The following PECAM1 variants were observed in gnomAD, a reference collection of about 807,000 sequenced individuals.
PECAM1 encodes the protein platelet endothelial cell adhesion molecule.
PECAM1 carries 8 observed loss-of-function variants against 13.8 expected under a neutral mutation model. The ratio of observed to expected loss-of-function variants is 0.58; its 90% CI spans 0.34 to 1.05. The LOEUF (loss-of-function observed/expected upper bound fraction) is 1.05, where lower values mean the gene tolerates loss of function less well. PECAM1 is among the 50% of genes least tolerant of loss of function. PECAM1 has a pLI of 0.03. For missense variants in PECAM1, 304 were observed against 141.2 expected (o/e 2.15, Z -5.84); for synonymous variants, 136 against 52.6 (o/e 2.58, Z -6.86).
rs1324782633 is a variant in PECAM1 at position 64,319,847 on chromosome 17, T to C, written c.*3969A>G. ...CGGCTGATCACCAGATCAGGGTGTT[T>C]TGTATCTATTGAGAGACTGTCCTTG... On this transcript the variant is annotated 3_prime_UTR_variant, in exon 16 of 16. Transcript: ENST00000563924. 1 of 152,154 alleles carries C rather than the reference T, an allele frequency of 6.6e-6. No homozygotes were observed. Among genetic ancestry groups the C allele is most frequent in the Admixed American group, 6.6e-5 (1 of 15,266 alleles). The allele number at this position is 152,154 out of a possible 1,614,324, so 9.4% of individuals were successfully genotyped here. A position where few individuals can be genotyped will look rare whatever the true frequency, so the allele number is the denominator to read the frequency against.
intron 9 of PECAM1, among the ~76,000 whole-genome samples, chr17:64,353,942 T>C (rs1261515402): frequency 0.17 from 3,634 of 20,858 alleles, 144 homozygotes; most frequent in Admixed American, 0.28. Flanking sequence ...CTCTCTCTCT[T>C]TTTTTTTTTT....
At position 64,361,321 on chromosome 17, in the gene PECAM1, T is replaced by G. The variant is rs1056790416; in HGVS notation, c.1217-906A>C. 3.9e-3 allele frequency among the ~76,000 whole-genome samples: 599 copies of G among 152,092 alleles called. 3 individuals are homozygous for G. The highest frequency in any genetic ancestry group is 7.0e-3 in the Non-Finnish European group (476 of 67,964). On this transcript the variant is annotated intron_variant, in intron 6 of 15. Transcript: ENST00000563924. Reference sequence around the variant, plus strand: ...CCACCACACCCGGCTAACTTTTGTATTTTTAGTAGAGAGGGGGTTTCACCA... The same window carrying G: ...CCACCACACCCGGCTAACTTTTGTAGTTTTAGTAGAGAGGGGGTTTCACCA...
chr17:64,354,883 T>C, intron 9 of PECAM1, 50 bp downstream of exon 9: 1 of 474,202 alleles, frequency 2.1e-6, no homozygotes, highest in Non-Finnish European at 3.9e-6. Context: ...CCCTGGCTGG[T>C]TTCCTGGCAA....
chr17:64,388,110 C>A (rs1014069699), intron 2 of PECAM1, among the ~76,000 whole-genome samples: 1 of 152,152 alleles, frequency 6.6e-6, no homozygotes, highest in Non-Finnish European at 1.5e-5. Context: ...GCAGTTCCAA[C>A]GTCTTCCCTG....
intron 14 of PECAM1, among the ~76,000 whole-genome samples, chr17:64,337,698 T>A (rs1342210306): frequency 6.6e-6 from 1 of 151,970 alleles, no homozygotes; most frequent in East Asian, 1.9e-4. Flanking sequence ...GGGGTCAGGT[T>A]CCAACAGCCC....
intron 13 of PECAM1, among the ~76,000 whole-genome samples, chr17:64,343,489 C>T (rs1034134453): frequency 3.9e-5 from 6 of 152,132 alleles, no homozygotes; most frequent in Non-Finnish European, 7.4e-5. Context: ...TGGCAGACCC[C>T]GACCTCCTAT....
intron 6 of PECAM1, among the ~76,000 whole-genome samples, chr17:64,361,389 A>G (rs1421367444): frequency 6.6e-6 from 1 of 151,790 alleles, no homozygotes; most frequent in South Asian, 2.1e-4. Context: ...CAGGTGATCC[A>G]CCCACCTTGG....
At chr17:64,336,235 C>A (rs1483503776) in intron 14 of PECAM1, among the ~76,000 whole-genome samples, 102 of 150,474 alleles carry the variant, frequency 6.8e-4, no homozygotes, top group Non-Finnish European at 1.4e-3. Flanking sequence ...CACTGCACTC[C>A]AGCCTGGGTG....
At chr17:64,379,935 G>A (rs1435464967) in intron 2 of PECAM1, among the ~76,000 whole-genome samples, 1 of 151,872 alleles carries the variant, frequency 6.6e-6, no homozygotes, top group Non-Finnish European at 1.5e-5. Context: ...TGAGGTGGGA[G>A]GATCACCTGA....
chr17:64,347,240 G>A (rs1287310365), intron 13 of PECAM1, among the ~76,000 whole-genome samples: 3 of 151,722 alleles, frequency 2.0e-5, no homozygotes, highest in South Asian at 4.2e-4. Flanking sequence ...TATTGAGGCC[G>A]AGTGTGGTGG....
intron 13 of PECAM1, among the ~76,000 whole-genome samples, chr17:64,344,164 G>T (rs2035505150): frequency 6.6e-6 from 1 of 151,944 alleles, no homozygotes; most frequent in Non-Finnish European, 1.5e-5. Flanking sequence ...TAAATGGAGG[G>T]AGAGGGCTTG....
chr17:64,337,599 G>C (rs1336167045), intron 14 of PECAM1, among the ~76,000 whole-genome samples: 2 of 152,122 alleles, frequency 1.3e-5, no homozygotes, highest in East Asian at 1.9e-4. Context: ...TCAGAACGGG[G>C]ACTGGGATGT....
chr17:64,373,242 C>T (rs2036282840), intron 4 of PECAM1, among the ~76,000 whole-genome samples: 1 of 152,104 alleles, frequency 6.6e-6, no homozygotes, highest in South Asian at 2.1e-4. Flanking sequence ...CCAAAGTACA[C>T]AAGTTACAAG....
chr17:64,331,925 G>A (rs59341491), intron 14 of PECAM1, among the ~76,000 whole-genome samples: 13,895 of 152,266 alleles, frequency 0.091, 1,037 homozygotes, highest in African/African-American at 0.21. Context: ...CAGTCTTATC[G>A]AGAAAAGTAC....
Position 64,356,150 on chromosome 17 carries a change from C to T in PECAM1, c.1741G>A (p.Ala581Thr), listed in dbSNP as rs1269699270. 12 of 475,050 alleles carry T rather than the reference C, an allele frequency of 2.5e-5. No individual in the cohort carries two copies. The highest frequency in any genetic ancestry group is 1.3e-4 in the South Asian group (2 of 14,872). The allele number at this position is 475,050 out of a possible 1,614,324, so 29.4% of individuals were successfully genotyped here. The change falls in exon 8 of 16, where the codon GCC becomes ACC. Residue 581 changes from alanine to threonine, a missense_variant. By Grantham distance (58) the Ala-to-Thr change is moderately conservative (BLOSUM62 0). Coordinates refer to ENST00000563924, the MANE Select transcript of PECAM1 (RefSeq NM_000442.5). ...ATTTTGCTTCTGGGGACACTGGAGG[C>T]GTGGTTGGCTCTGTTGAAGGCTGTG... ...YCTAFNRANH[A>T]SSVPRSKILT...
At chr17:64,366,269 A>G (rs1420709259) in intron 5 of PECAM1, among the ~76,000 whole-genome samples, 1 of 152,012 alleles carries the variant, frequency 6.6e-6, no homozygotes, top group African/African-American at 2.4e-5. Flanking sequence ...CAAAACCGCT[A>G]TGAGATACCA....
intron 15 of PECAM1, among the ~76,000 whole-genome samples, chr17:64,328,562 A>G (rs1369253837): frequency 6.6e-6 from 1 of 152,228 alleles, no homozygotes; most frequent in Non-Finnish European, 1.5e-5. Context: ...GCTAGGAAAA[A>G]AAACAACCAT....
At chr17:64,372,378 C>T (rs1364403764) in intron 4 of PECAM1, among the ~76,000 whole-genome samples, 5 of 152,134 alleles carry the variant, frequency 3.3e-5, no homozygotes, top group African/African-American at 9.6e-5. Flanking sequence ...TTGGCAACAT[C>T]GAGCCAGGCA....
At chr17:64,385,460 G>A (rs1259990947) in intron 2 of PECAM1, among the ~76,000 whole-genome samples, 2 of 152,126 alleles carry the variant, frequency 1.3e-5, no homozygotes, top group Non-Finnish European at 2.9e-5. Flanking sequence ...AAAATTACTG[G>A]GAGCCACGAA....
Sources: allele counts gnomAD v4.1 joint callset (sites outside exome capture counted in the v4.1 genomes callset), GRCh38; gene constraint gnomAD v4.1.1; transcripts MANE v1.5; gene names NCBI Gene and HGNC (gene_info 2026-07-23, HGNC 2026-07-21).